The following HMGN5 variants were observed in gnomAD, a reference collection of about 807,000 sequenced individuals.
HMGN5 encodes the protein high mobility group nucleosome binding domain 5, also known as high mobility group nucleosome-binding domain-containing protein 5.
In HMGN5, 4 loss-of-function variants were observed where a neutral mutation model predicts 9.5. The observed-to-expected ratio is 0.42, with a 90% CI of 0.21 to 0.96. The LOEUF is 0.96. HMGN5 is among the 40% of genes least tolerant of loss of function. HMGN5 has a pLI of 0.30. For missense variants in HMGN5, 192 were observed against 187.5 expected, an observed-to-expected ratio of 1.02 and a Z score of -0.14; for synonymous variants, 55 against 57.1, an observed-to-expected ratio of 0.96 and a Z score of 0.16.
intron 1 of HMGN5, among the ~76,000 whole-genome samples, chrX:81,188,069 C>G (rs1226791219): frequency 9.2e-6 from 1 of 108,615 alleles, no homozygotes; most frequent in Non-Finnish European, 1.9e-5. Flanking sequence ...TCTTATTGTA[C>G]TGTCTATGTC....
At chrX:81,121,954 G>GT (rs1019957117) in intron 1 of HMGN5, among the ~76,000 whole-genome samples, 66 of 111,369 alleles carry the variant, frequency 5.9e-4, no homozygotes, top group South Asian at 1.9e-3. Flanking sequence ...GACTTGATCA[G>GT]TTTTTTTTTC....
Position 81,175,343 on chromosome X carries a change from T to TTGTGTG in HMGN5, c.-124+26388_-124+26393dup, listed in dbSNP as rs765266419. Among the ~76,000 whole-genome samples the TTGTGTG allele has an allele frequency of 6.4e-3, 685 of 106,503 alleles. 3 individuals carry two copies. Among genetic ancestry groups the TTGTGTG allele is most frequent in the East Asian group, 0.03 (99 of 3,277 alleles). The allele number at this position is 106,503 out of a possible 115,157, so 92.5% of individuals were successfully genotyped here. Reference sequence around the variant, plus strand: ...GTATTTGAACACAGAACAATTCTATTTGTGTGTGTGTGTGTGTGTGTATGT... The same window carrying TTGTGTG: ...GTATTTGAACACAGAACAATTCTATTTGTGTGTGTGTGTGTGTGTGTGTGTGTATGT... On this transcript the variant is annotated intron_variant, in intron 1 of 6. Coordinates refer to ENST00000358130, the MANE Select transcript of HMGN5 (RefSeq NM_030763.3).
At chrX:81,186,664 T>C (rs111655365) in intron 1 of HMGN5, among the ~76,000 whole-genome samples, 6,449 of 111,422 alleles carry the variant, frequency 0.058, 207 homozygotes, top group Non-Finnish European at 0.096. Flanking sequence ...TTTCTAGTTC[T>C]TTGACTTTAA....
At chrX:81,160,279 G>A (rs1425416610) in intron 1 of HMGN5, among the ~76,000 whole-genome samples, 2 of 112,089 alleles carry the variant, frequency 1.8e-5, no homozygotes, top group Non-Finnish European at 3.8e-5. Flanking sequence ...TACTATCAGT[G>A]TATTAACAAG....
chrX:81,138,992 C>A (rs1299405272), intron 1 of HMGN5, among the ~76,000 whole-genome samples: 1 of 111,721 alleles, frequency 9.0e-6, no homozygotes, highest in African/African-American at 3.2e-5. Context: ...AATGGAGAGA[C>A]ATATCACGCT....
In HMGN5 at chrX:81,132,699, G is replaced by T. The variant is rs185349234; in HGVS notation, c.-123-11027C>A. 4.3e-4 allele frequency among the ~76,000 whole-genome samples: 48 copies of T among 111,318 alleles called. 1 individual carries two copies. The South Asian group carries it at 7.1e-3, about 17-fold the overall frequency. On this transcript the variant is annotated intron_variant, in intron 1 of 6. Transcript: ENST00000358130. The stretch of plus-strand genomic sequence containing the variant: ...ATATCATATAGAAAAATTAACTCAA[G>T]ATGGATAAAGACTTAAATGTAATAC...
At chrX:81,181,145 A>G (rs2147643986) in intron 1 of HMGN5, among the ~76,000 whole-genome samples, 1 of 111,223 alleles carries the variant, frequency 9.0e-6, no homozygotes, top group East Asian at 2.8e-4. Context: ...ATGTATACCT[A>G]TGTATCAAAC....
At chrX:81,171,797 T>C (rs1311945430) in intron 1 of HMGN5, among the ~76,000 whole-genome samples, 1 of 111,418 alleles carries the variant, frequency 9.0e-6, no homozygotes, top group African/African-American at 3.3e-5. Flanking sequence ...GATCACTACA[T>C]TCCAATCACA....
chrX:81,181,240 T>C (rs2075462011), intron 1 of HMGN5, among the ~76,000 whole-genome samples: 1 of 111,739 alleles, frequency 8.9e-6, no homozygotes, highest in African/African-American at 3.3e-5. Flanking sequence ...CCTTCACACA[T>C]CTTTAACACC....
chrX:81,200,223 AG>A (rs2075521793), intron 1 of HMGN5, among the ~76,000 whole-genome samples: 1 of 111,931 alleles, frequency 8.9e-6, no homozygotes, highest in Admixed American at 9.5e-5. Context: ...GATGCTGGAG[AG>A]GGTTTGGAGA....
intron 1 of HMGN5, among the ~76,000 whole-genome samples, chrX:81,172,852 C>G (rs187723271): frequency 9.9e-5 from 11 of 110,971 alleles, no homozygotes; most frequent in Middle Eastern, 4.8e-3. Context: ...AAATACTCAA[C>G]CTTACTCATA....
chrX:81,149,191 T>C (rs1181319525), intron 1 of HMGN5, among the ~76,000 whole-genome samples: 1 of 111,663 alleles, frequency 9.0e-6, no homozygotes, highest in Non-Finnish European at 1.9e-5. Flanking sequence ...ATGTTTACTG[T>C]AGCACTGTTG....
chrX:81,118,778 A>G lies in HMGN5; in HGVS notation c.46-19T>C, dbSNP rs183581557. 12 of 1,128,560 alleles carry G rather than the reference A, an allele frequency of 1.1e-5. No individual in the cohort carries two copies. The Admixed American group carries it at 2.7e-4, about 26-fold the overall frequency. 93.0% of individuals were successfully genotyped at this position (1,128,560 alleles called of 1,213,427 possible). A position where few individuals can be genotyped will look rare whatever the true frequency, so the allele number is the denominator to read the frequency against. On this transcript the variant is annotated intron_variant, in intron 3 of 6. Coordinates refer to ENST00000358130, the MANE Select transcript of HMGN5 (RefSeq NM_030763.3). ...TCTTTGGCTATAAGTTAAAAACAAAAATCTGTTAAGAGAATTATGGATACA... is the reference window on the plus strand; with the variant it reads ...TCTTTGGCTATAAGTTAAAAACAAAGATCTGTTAAGAGAATTATGGATACA...
At chrX:81,150,663 A>C (rs777026146) in intron 1 of HMGN5, among the ~76,000 whole-genome samples, 1 of 112,544 alleles carries the variant, frequency 8.9e-6, no homozygotes, top group Non-Finnish European at 1.9e-5. Flanking sequence ...TGAAGAAAGC[A>C]AAACAAAAGA....
At chrX:81,189,886 C>A (rs1466182312) in intron 1 of HMGN5, among the ~76,000 whole-genome samples, 2 of 112,328 alleles carry the variant, frequency 1.8e-5, no homozygotes, top group Non-Finnish European at 3.8e-5. Context: ...TTCTCACCAG[C>A]ATTTGCTGTT....
chrX:81,118,987 A>C (rs1269382263), intron 3 of HMGN5, among the ~76,000 whole-genome samples: 1 of 112,085 alleles, frequency 8.9e-6, no homozygotes, highest in East Asian at 2.8e-4. Flanking sequence ...AGCTAGGCTA[A>C]ATTAACACAG....
At chrX:81,131,458 A>T (rs951459850) in intron 1 of HMGN5, among the ~76,000 whole-genome samples, 2 of 111,165 alleles carry the variant, frequency 1.8e-5, no homozygotes, top group Non-Finnish European at 3.8e-5. Flanking sequence ...AAAGGACTTT[A>T]TGAGTATCCA....
At chrX:81,141,913 G>T (rs759223643) in intron 1 of HMGN5, among the ~76,000 whole-genome samples, 12 of 112,010 alleles carry the variant, frequency 1.1e-4, no homozygotes, top group East Asian at 2.8e-4. Flanking sequence ...TTAGGACAGA[G>T]AATTCAAAAT....
intron 1 of HMGN5, among the ~76,000 whole-genome samples, chrX:81,174,090 A>T (rs2075434613): frequency 9.0e-6 from 1 of 111,348 alleles, no homozygotes; most frequent in South Asian, 3.7e-4. Context: ...ATCACTCTCT[A>T]GTAAAATAAT....
Sources: allele counts gnomAD v4.1 joint callset (sites outside exome capture counted in the v4.1 genomes callset), GRCh38; gene constraint gnomAD v4.1.1; transcripts MANE v1.5; gene names NCBI Gene and HGNC (gene_info 2026-07-23, HGNC 2026-07-21).